Variants in PAQR8 observed in about 807,000 individuals in gnomAD.
PAQR8 encodes progestin and adipoQ receptor family member 8.
PAQR8 carries 17 observed loss-of-function variants against 25.2 expected under a neutral mutation model. The observed-to-expected ratio is 0.67, with a 90% CI of 0.46 to 1.01. The LOEUF (loss-of-function observed/expected upper bound fraction) is 1.01. Among genes scored for constraint, PAQR8 ranks in the 50% least tolerant of loss-of-function variants. PAQR8 has a pLI of 0.00. For missense variants in PAQR8, 392 were observed against 448.4 expected, an observed-to-expected ratio of 0.87 and a Z score of 1.14; for synonymous variants, 204 against 190.6, an observed-to-expected ratio of 1.07 and a Z score of -0.58.
intron 1 of PAQR8, among the ~76,000 whole-genome samples, chr6:52,386,753 C>T (rs183561574): frequency 1.3e-5 from 2 of 152,278 alleles, no homozygotes; most frequent in Admixed American, 6.5e-5. Context: ...TCAGTCATAC[C>T]GCAAACCTCA....
chr6:52,364,413 T>C (rs1369522338), intron 1 of PAQR8, among the ~76,000 whole-genome samples: 1 of 152,214 alleles, frequency 6.6e-6, no homozygotes, highest in Non-Finnish European at 1.5e-5. Flanking sequence ...AGTGTACTTA[T>C]TCACTTGGAC....
At chr6:52,378,921 A>C (rs991141157) in intron 1 of PAQR8, among the ~76,000 whole-genome samples, 4 of 151,242 alleles carry the variant, frequency 2.6e-5, no homozygotes, top group Non-Finnish European at 5.9e-5. Context: ...ATATGGTGAA[A>C]CCCCTTCTCT....
rs1034557608 is a variant in PAQR8 at position 52,383,761 on chromosome 6, A to G, written c.-52-19401A>G. ...TATTTGCTCTTTTATTCTGCATGAT[A>G]TCAAGCAGTGGTTGATGCTTACAGA... is the stretch of plus-strand genomic sequence containing the variant. On this transcript the variant is annotated intron_variant, in intron 1 of 1. Coordinates refer to ENST00000442253, the MANE Select transcript of PAQR8 (RefSeq NM_133367.5). Among the ~76,000 whole-genome samples, 7 of 152,208 alleles carry G rather than the reference A, an allele frequency of 4.6e-5. No individual in the cohort carries two copies. The South Asian group carries it at 1.2e-3, about 27-fold the overall frequency.
intron 1 of PAQR8, among the ~76,000 whole-genome samples, chr6:52,390,727 C>T (rs1479991809): frequency 6.6e-6 from 1 of 152,074 alleles, no homozygotes; most frequent in Non-Finnish European, 1.5e-5. Context: ...CCCTTTAAAC[C>T]CCCCATGACC....
chr6:52,372,869 A>G (rs1763436629), intron 1 of PAQR8, among the ~76,000 whole-genome samples: 1 of 151,992 alleles, frequency 6.6e-6, no homozygotes, highest in Non-Finnish European at 1.5e-5. Context: ...TAATTCTTTA[A>G]ACTTCACAAT....
intron 1 of PAQR8, among the ~76,000 whole-genome samples, chr6:52,388,823 T>G (rs1763663080): frequency 6.6e-6 from 1 of 152,230 alleles, no homozygotes; most frequent in Non-Finnish European, 1.5e-5. Flanking sequence ...AGGCTGTCGC[T>G]AAGCTTCACA....
chr6:52,388,500 G>C (rs749962568), intron 1 of PAQR8, among the ~76,000 whole-genome samples: 1 of 152,186 alleles, frequency 6.6e-6, no homozygotes, highest in African/African-American at 2.4e-5. Flanking sequence ...GTGCTGAAAA[G>C]GTTGGGGACC....
At position 52,407,652 on chromosome 6, in the gene PAQR8, A is replaced by G. The variant is rs1763927154; in HGVS notation, c.*3374A>G. 1 of 127,132 alleles carries G rather than the reference A, an allele frequency of 7.9e-6. No homozygotes were observed. The highest frequency in any genetic ancestry group is 1.2e-4 in the Admixed American group (1 of 8,432). 7.9% of individuals were successfully genotyped at this position (127,132 alleles called of 1,614,324 possible). On this transcript the variant is annotated 3_prime_UTR_variant, in exon 2 of 2. Transcript: ENST00000442253. Reference sequence around the variant, plus strand: ...CCCAAGGCTTCTGTCTACTAATTCTATTGGTCTTGTGTTTTGCTTGCTTGG... The same window carrying G: ...CCCAAGGCTTCTGTCTACTAATTCTGTTGGTCTTGTGTTTTGCTTGCTTGG...
rs1486531598 is a variant in PAQR8 at position 52,406,385 on chromosome 6, G to A, written c.*2107G>A. On this transcript the variant is annotated 3_prime_UTR_variant, in exon 2 of 2. Coordinates refer to ENST00000442253, the MANE Select transcript of PAQR8 (RefSeq NM_133367.5). ...GCAGAGATCTTTAGTTCAAATCCAC[G>A]TATTTTTTAAAAGAGAGAACCGGAG... 9.7e-6 allele frequency: 4 copies of A among 411,926 alleles called. No homozygotes were observed. The highest frequency in any genetic ancestry group is 1.3e-5 in the Non-Finnish European group (3 of 225,302). The allele number at this position is 411,926 out of a possible 1,614,324, so 25.5% of individuals were successfully genotyped here.
At chr6:52,383,399 C>T (rs937538204) in intron 1 of PAQR8, among the ~76,000 whole-genome samples, 7 of 152,286 alleles carry the variant, frequency 4.6e-5, no homozygotes, top group South Asian at 2.1e-4. Context: ...CGGTGGCTCA[C>T]GCCTGTAATC....
chr6:52,366,602 C>T (rs945930548), intron 1 of PAQR8, among the ~76,000 whole-genome samples: 1 of 152,116 alleles, frequency 6.6e-6, no homozygotes, highest in Non-Finnish European at 1.5e-5. Context: ...TAGTGAATTA[C>T]AAAGTATATC....
In PAQR8 at chr6:52,362,545, G is replaced by A. The variant is rs1333820328; in HGVS notation, c.-53+296G>A. 1 of 153,246 alleles carries A rather than the reference G, an allele frequency of 6.5e-6. No individual in the cohort carries two copies. Among genetic ancestry groups the A allele is most frequent in the Non-Finnish European group, 1.5e-5 (1 of 68,880 alleles). The allele number at this position is 153,246 out of a possible 1,614,324, so 9.5% of individuals were successfully genotyped here. On this transcript the variant is annotated intron_variant, in intron 1 of 1. Transcript: ENST00000442253. This position sits in a 1 kb window ranked among gnomAD's most constrained non-coding sequence, Gnocchi z 4.1. ...TGAACGGCTGTAGTGGGGTGGCCAGGACTGCGATGCTGGGGAGTCATGGAG... is the reference window on the plus strand; with the variant it reads ...TGAACGGCTGTAGTGGGGTGGCCAGAACTGCGATGCTGGGGAGTCATGGAG...
In PAQR8 at chr6:52,406,713, C is replaced by T. The variant is rs1414020941; in HGVS notation, c.*2435C>T. On this transcript the variant is annotated 3_prime_UTR_variant, in exon 2 of 2. Coordinates refer to ENST00000442253, the MANE Select transcript of PAQR8 (RefSeq NM_133367.5). ...AAGTACCTGGTACTACAGGCGCGTGCCACCACACCTGGCTAATTTTTGCAT... is the reference window on the plus strand; with the variant it reads ...AAGTACCTGGTACTACAGGCGCGTGTCACCACACCTGGCTAATTTTTGCAT... 2 of 402,240 alleles carry T rather than the reference C, an allele frequency of 5.0e-6. No individual in the cohort carries two copies. The highest frequency in any genetic ancestry group is 4.4e-5 in the Admixed American group (1 of 22,574). The allele number at this position is 402,240 out of a possible 1,614,324, so 24.9% of individuals were successfully genotyped here. A position where few individuals can be genotyped will look rare whatever the true frequency, so the allele number is the denominator to read the frequency against.
rs1318677175 is a variant in PAQR8, at chr6:52,375,013, ATATGT to A, written c.-53+12768_-53+12772del. ...CAGGGACAATGTATTTTATTTAAAGATATGTTATTGCAAATATTTTGAAATAGTTT... is the reference window on the plus strand; with the variant it reads ...CAGGGACAATGTATTTTATTTAAAGATATTGCAAATATTTTGAAATAGTTT... On this transcript the variant is annotated intron_variant, in intron 1 of 1. Coordinates refer to ENST00000442253, the MANE Select transcript of PAQR8 (RefSeq NM_133367.5). Among the ~76,000 whole-genome samples, 88 of 151,748 alleles carry A rather than the reference ATATGT, an allele frequency of 5.8e-4. 1 individual carries two copies. Among genetic ancestry groups the A allele is most frequent in the African/African-American group, 2.0e-3 (84 of 41,432 alleles).
At position 52,406,416 on chromosome 6, in the gene PAQR8, G is replaced by A; in HGVS notation, c.*2138G>A. 2.4e-6 allele frequency: 1 copy of A among 413,296 alleles called. No homozygotes were observed. Among genetic ancestry groups the A allele is most frequent in the Non-Finnish European group, 4.4e-6 (1 of 226,028 alleles). 25.6% of individuals were successfully genotyped at this position (413,296 alleles called of 1,614,324 possible). ...TTTAAAAGAGAGAACCGGAGGTAGA[G>A]CAATGATCAGATGGGTGCACAGACC... On this transcript the variant is annotated 3_prime_UTR_variant, in exon 2 of 2. Transcript: ENST00000442253.
intron 1 of PAQR8, among the ~76,000 whole-genome samples, chr6:52,390,893 G>GT (rs1203439605): frequency 6.6e-6 from 1 of 152,076 alleles, no homozygotes; most frequent in Non-Finnish European, 1.5e-5. Flanking sequence ...ACCAACTTAG[G>GT]TTTTACCAAT....
chr6:52,383,275 G>A (rs1043335564), intron 1 of PAQR8, among the ~76,000 whole-genome samples: 5 of 152,226 alleles, frequency 3.3e-5, no homozygotes, highest in Non-Finnish European at 5.9e-5. Flanking sequence ...GAAGGAGAAA[G>A]TCACAGTTCA....
chr6:52,371,857 A>C (rs534263228), intron 1 of PAQR8, among the ~76,000 whole-genome samples: 1 of 152,212 alleles, frequency 6.6e-6, no homozygotes, highest in Non-Finnish European at 1.5e-5. Flanking sequence ...AAGGGCTCTT[A>C]AAGTTAGTGT....
intron 1 of PAQR8, among the ~76,000 whole-genome samples, chr6:52,383,585 C>G (rs1042420546): frequency 3.8e-4 from 55 of 143,446 alleles, no homozygotes; most frequent in African/African-American, 1.3e-3. Flanking sequence ...GGCGTGAATC[C>G]GGGAGGCGGA....
Sources: gnomAD v4.1 joint callset for allele counts (sites outside exome capture counted in the v4.1 genomes callset) on GRCh38, gnomAD v4.1.1 for gene constraint, Gnocchi (gnomAD v3.1) non-coding constraint, MANE v1.5 for transcripts, NCBI Gene and HGNC (gene_info 2026-07-23, HGNC 2026-07-21) for gene names.